Variants in COL21A1 observed in about 807,000 individuals in gnomAD.
COL21A1 encodes the protein collagen alpha-1(XXI) chain.
COL21A1 carries 149 observed loss-of-function variants against 137.9 expected under a neutral mutation model. The ratio of observed to expected loss-of-function variants is 1.08; its 90% confidence interval spans 0.95 to 1.24. COL21A1 has a LOEUF of 1.24. Among genes scored for constraint, COL21A1 ranks in the 50% most tolerant of loss-of-function variants. COL21A1 has a pLI of 0.00. For synonymous variants in COL21A1, 456 were observed against 391.5 expected (o/e 1.16, Z -1.95); for missense variants, 1,167 against 1,158.4 (o/e 1.01, Z -0.11).
intron 1 of COL21A1, among the ~76,000 whole-genome samples, chr6:56,361,755 T>TGTGC (rs942545856): frequency 6.6e-6 from 1 of 152,084 alleles, no homozygotes; most frequent in African/African-American, 2.4e-5. Flanking sequence ...TGGCTGCGTA[T>TGTGC]GTGCGTGTGC....
At chr6:56,286,107 A>G (rs1763906494) in intron 1 of COL21A1, among the ~76,000 whole-genome samples, 1 of 152,180 alleles carries the variant, frequency 6.6e-6, no homozygotes. Flanking sequence ...GTCAGAAACC[A>G]TCTTAGTGTT....
intron 1 of COL21A1, among the ~76,000 whole-genome samples, chr6:56,210,176 AG>A (rs1480149540): frequency 3.9e-5 from 6 of 152,140 alleles, no homozygotes; most frequent in Non-Finnish European, 7.4e-5. Context: ...TGATGGGTGC[AG>A]CAAACCACCA....
chr6:56,201,486 G>A (rs2152298227), intron 1 of COL21A1, among the ~76,000 whole-genome samples: 1 of 152,168 alleles, frequency 6.6e-6, no homozygotes, highest in African/African-American at 2.4e-5. Context: ...TTTGCATAAG[G>A]TGTAAGAAAG....
intron 3 of COL21A1, among the ~76,000 whole-genome samples, chr6:56,178,281 G>C (rs1401532081): frequency 6.6e-6 from 1 of 152,004 alleles, no homozygotes; most frequent in African/African-American, 2.4e-5. Context: ...AATCCCATTG[G>C]CCTGTTCAGT....
chr6:56,366,803 C>G (rs1179313321), intron 1 of COL21A1, among the ~76,000 whole-genome samples: 1 of 152,202 alleles, frequency 6.6e-6, no homozygotes, highest in East Asian at 1.9e-4. Flanking sequence ...CAGCACAACA[C>G]TTTTAGCAAC....
chr6:56,390,495 G>GACACACACAC (rs35424168), intron 1 of COL21A1, among the ~76,000 whole-genome samples: 3,406 of 139,786 alleles, frequency 0.024, 77 homozygotes, highest in Non-Finnish European at 0.034. Context: ...TGGCTGAATG[G>GACACACACAC]ACACACACAC....
chr6:56,075,702 T>G (rs886522183), intron 18 of COL21A1, among the ~76,000 whole-genome samples, 170 bp from the exon 19 acceptor site: 1 of 151,508 alleles, frequency 6.6e-6, no homozygotes, highest in African/African-American at 2.4e-5. Flanking sequence ...GACCTTGGCA[T>G]AGAGTCTGAG....
chr6:56,219,272 G>A (rs558154897), intron 1 of COL21A1, among the ~76,000 whole-genome samples: 1 of 148,762 alleles, frequency 6.7e-6, no homozygotes, highest in East Asian at 2.0e-4. Context: ...TCTGCTGTCG[G>A]TCTAATCCAC....
chr6:56,112,684 TTTC>T lies in COL21A1; in HGVS notation c.1759-11162_1759-11160del, dbSNP rs1286717980. ...GAAGAAGTTTTTTTTTCTTTTCTTT[TTTC>T]TTTTTTTTTTTTTTGAGACGGAGTT... On this transcript the variant is annotated intron_variant, in intron 16 of 29. Coordinates refer to ENST00000244728, the MANE Select transcript of COL21A1 (RefSeq NM_030820.4). Among the ~76,000 whole-genome samples the T allele has an allele frequency of 5.8e-5, 8 of 138,940 alleles. 1 individual carries two copies. The highest frequency in any genetic ancestry group is 9.4e-5 in the Non-Finnish European group (6 of 63,516). 91.2% of individuals were successfully genotyped at this position (138,940 alleles called of 152,430 possible).
intron 17 of COL21A1, among the ~76,000 whole-genome samples, chr6:56,097,519 T>G (rs570739293): frequency 4.0e-4 from 60 of 151,570 alleles, no homozygotes; most frequent in Admixed American, 9.3e-4. Context: ...GAAGGAATAT[T>G]GGGAGGAAAG....
intron 16 of COL21A1, among the ~76,000 whole-genome samples, chr6:56,105,071 A>T (rs1049214756): frequency 1.3e-5 from 2 of 152,230 alleles, no homozygotes; most frequent in African/African-American, 2.4e-5. Context: ...TGTATTAAAG[A>T]TGTAAGACTG....
intron 1 of COL21A1, among the ~76,000 whole-genome samples, chr6:56,316,528 C>T (rs1326021452): frequency 2.7e-5 from 3 of 111,308 alleles, no homozygotes; most frequent in African/African-American, 1.0e-4. Context: ...GTTACCCAGG[C>T]GGGAGTGCAG....
At chr6:56,185,676 C>T (rs1778236287) in intron 1 of COL21A1, among the ~76,000 whole-genome samples, 1 of 151,814 alleles carries the variant, frequency 6.6e-6, no homozygotes, top group African/African-American at 2.4e-5. Context: ...ACCTCATGAT[C>T]CACCCGCCTC....
In COL21A1 at chr6:56,170,940, T is replaced by C; in HGVS notation, c.809+20A>G. ...CAGACATATCCCCCCAAAAAAGTTG[T>C]GTCAACATATAATGCATACCTTGTG... On this transcript the variant is annotated intron_variant, in intron 4 of 29. Transcript: ENST00000244728. 6.3e-7 allele frequency: 1 copy of C among 1,592,916 alleles called. No homozygotes were observed. Among genetic ancestry groups the C allele is most frequent in the Non-Finnish European group, 8.5e-7 (1 of 1,170,236 alleles).
chr6:56,077,625 C>A, intron 17 of COL21A1, 52 bp from the exon 18 acceptor site: 1 of 1,107,154 alleles, frequency 9.0e-7, no homozygotes, highest in South Asian at 1.5e-5. Flanking sequence ...AAGACTTTAT[C>A]ATTAAAGAAG....
chr6:56,239,592 A>G (rs1782139570), intron 1 of COL21A1, among the ~76,000 whole-genome samples: 1 of 152,154 alleles, frequency 6.6e-6, no homozygotes, highest in African/African-American at 2.4e-5. Flanking sequence ...TGGAAAGACC[A>G]GTGAAAAAAA....
At chr6:56,115,864 C>T (rs1454249323) in intron 16 of COL21A1, among the ~76,000 whole-genome samples, 2 of 151,828 alleles carry the variant, frequency 1.3e-5, no homozygotes, top group African/African-American at 2.4e-5. Flanking sequence ...AATTCTGGAG[C>T]TGAAAAATGC....
chr6:56,372,590 C>T (rs2093991443), intron 1 of COL21A1, among the ~76,000 whole-genome samples: 1 of 152,162 alleles, frequency 6.6e-6, no homozygotes, highest in Non-Finnish European at 1.5e-5. Flanking sequence ...AGACGCTCAA[C>T]TCATAAGGGA....
At chr6:56,271,724 C>T (rs1379498242) in intron 1 of COL21A1, among the ~76,000 whole-genome samples, 1 of 152,174 alleles carries the variant, frequency 6.6e-6, no homozygotes, top group African/African-American at 2.4e-5. Context: ...GTGGGCTTGG[C>T]CCAGGGCACC....
Sources: gnomAD v4.1 joint callset for allele counts (sites outside exome capture counted in the v4.1 genomes callset) on GRCh38, gnomAD v4.1.1 for gene constraint, MANE v1.5 for transcripts, NCBI Gene and HGNC (gene_info 2026-07-23, HGNC 2026-07-21) for gene names.